Variants in HPSE2 observed in about 807,000 individuals in gnomAD.
The protein encoded by HPSE2 is inactive heparanase-2.
Under a neutral mutation model 60.5 loss-of-function variants are expected in HPSE2, and 38 were observed. That is an observed-to-expected ratio of 0.63 (90% confidence interval 0.48 to 0.82). HPSE2 has a LOEUF of 0.82. Ranked by LOEUF, HPSE2 falls within the 40% of genes least tolerant of loss-of-function variation. HPSE2 has a pLI of 0.00. For missense variants in HPSE2, 713 were observed against 740.4 expected, an observed-to-expected ratio of 0.96 and a Z score of 0.43; for synonymous variants, 295 against 293.2, an observed-to-expected ratio of 1.01 and a Z score of -0.06.
chr10:98,998,251 T>C (rs1189679079), intron 3 of HPSE2, among the ~76,000 whole-genome samples: 1 of 152,246 alleles, frequency 6.6e-6, no homozygotes, highest in Non-Finnish European at 1.5e-5. Context: ...AAATACATTA[T>C]CATGAAAATA....
intron 1 of HPSE2, among the ~76,000 whole-genome samples, chr10:99,234,906 G>C (rs990250747): frequency 6.6e-6 from 1 of 152,088 alleles, no homozygotes. Context: ...ACAAAGTCCT[G>C]AAGTCTGGAA....
chr10:98,765,907 T>TA (rs1238783983), intron 3 of HPSE2, among the ~76,000 whole-genome samples: 4 of 151,436 alleles, frequency 2.6e-5, no homozygotes, highest in African/African-American at 9.7e-5. Context: ...TAAGAAGCTA[T>TA]AAAAAGAAAA....
At chr10:98,911,253 G>A (rs545288498) in intron 3 of HPSE2, among the ~76,000 whole-genome samples, 2 of 152,304 alleles carry the variant, frequency 1.3e-5, no homozygotes, top group East Asian at 1.9e-4. Context: ...CAGATTGTTT[G>A]TTAGGAGCTG....
chr10:99,262,176 C>T, the HPSE2 span, among the ~76,000 whole-genome samples: 6 of 152,320 alleles, frequency 3.9e-5, no homozygotes, highest in Admixed American at 1.3e-4. Flanking sequence ...AGGCTACCCA[C>T]TCCACATTAC....
intron 7 of HPSE2, among the ~76,000 whole-genome samples, chr10:98,636,451 G>C (rs562824): frequency 0.17 from 25,893 of 151,984 alleles, 2,352 homozygotes; most frequent in Admixed American, 0.23. Context: ...TGTTGGCCAG[G>C]CTGGTCTCAA....
At chr10:99,024,538 T>C (rs1331757007) in intron 3 of HPSE2, among the ~76,000 whole-genome samples, 3 of 151,978 alleles carry the variant, frequency 2.0e-5, no homozygotes, top group Non-Finnish European at 4.4e-5. Context: ...TTCCCAAGCC[T>C]AGAAAAAGAT....
intron 3 of HPSE2, among the ~76,000 whole-genome samples, chr10:99,006,461 G>A (rs150775602): frequency 1.5e-3 from 227 of 152,280 alleles, no homozygotes; most frequent in African/African-American, 5.1e-3. Flanking sequence ...CCTGGTGCTA[G>A]AGTGAGATTA....
chr10:98,734,024 C>T (rs1445573532), intron 4 of HPSE2, among the ~76,000 whole-genome samples: 1 of 152,192 alleles, frequency 6.6e-6, no homozygotes, highest in Non-Finnish European at 1.5e-5. Context: ...TCATGGGCTC[C>T]CCAGCCCTAA....
At chr10:99,054,357 T>C (rs992419093) in intron 3 of HPSE2, among the ~76,000 whole-genome samples, 1 of 152,174 alleles carries the variant, frequency 6.6e-6, no homozygotes, top group Non-Finnish European at 1.5e-5. Context: ...TTAATAACTT[T>C]AATAACACTG....
At chr10:98,776,578 C>T (rs143751502) in intron 3 of HPSE2, among the ~76,000 whole-genome samples, 3 of 152,160 alleles carry the variant, frequency 2.0e-5, no homozygotes, top group Admixed American at 6.5e-5. Context: ...GATTTAGGTG[C>T]ATTTTATAAG....
chr10:98,459,562 T>C lies in HPSE2; in HGVS notation c.*12A>G. 6.2e-7 allele frequency: 1 copy of C among 1,613,674 alleles called. No individual in the cohort carries two copies. The highest frequency in any genetic ancestry group is 8.5e-7 in the Non-Finnish European group (1 of 1,179,850). On this transcript the variant is annotated 3_prime_UTR_variant, in exon 12 of 12. Coordinates refer to ENST00000370552, the MANE Select transcript of HPSE2 (RefSeq NM_021828.5). ...CAGCAGGCCCACTGGTAGCCGTGAGTGTGAGGATAGCTTATCGGTAGCGGC... is the reference window on the plus strand; with the variant it reads ...CAGCAGGCCCACTGGTAGCCGTGAGCGTGAGGATAGCTTATCGGTAGCGGC...
chr10:98,856,211 A>C (rs1311025692), intron 3 of HPSE2, among the ~76,000 whole-genome samples: 1 of 152,196 alleles, frequency 6.6e-6, no homozygotes. Context: ...ACAAAGAAGC[A>C]AGAAAAACAA....
At chr10:99,227,809 A>C (rs988589821) in intron 2 of HPSE2, among the ~76,000 whole-genome samples, 1 of 149,106 alleles carries the variant, frequency 6.7e-6, no homozygotes, top group African/African-American at 2.5e-5. Context: ...AAATATATAT[A>C]TATATGTATA....
At chr10:99,220,600 C>A (rs185388641) in intron 2 of HPSE2, among the ~76,000 whole-genome samples, 1 of 151,900 alleles carries the variant, frequency 6.6e-6, no homozygotes, top group East Asian at 2.0e-4. Flanking sequence ...CTCAAGAGAT[C>A]GAGACCATCC....
chr10:99,313,853 A>G, the HPSE2 span, among the ~76,000 whole-genome samples: 129,927 of 151,458 alleles, frequency 0.86, 56,093 homozygotes, highest in African/African-American at 0.93. Context: ...GCCGGCCTCG[A>G]CCTCCCAAAG....
At chr10:98,578,248 T>C (rs951992674) in intron 9 of HPSE2, among the ~76,000 whole-genome samples, 1 of 152,304 alleles carries the variant, frequency 6.6e-6, no homozygotes, top group Admixed American at 6.5e-5. Flanking sequence ...TGATGAGATC[T>C]CCTCTCTAAA....
intron 4 of HPSE2, among the ~76,000 whole-genome samples, chr10:98,727,408 T>C (rs887710467): frequency 1.8e-4 from 28 of 152,294 alleles, no homozygotes; most frequent in African/African-American, 6.7e-4. Flanking sequence ...CCCAGCACTT[T>C]GGGAGGCCAA....
intron 3 of HPSE2, among the ~76,000 whole-genome samples, chr10:98,848,617 A>G (rs1952090177): frequency 2.0e-5 from 3 of 152,124 alleles, no homozygotes; most frequent in Admixed American, 1.3e-4. Flanking sequence ...AGAAACATGT[A>G]CTATTCCTTA....
chr10:98,698,700 G>A (rs1948307338), intron 5 of HPSE2, among the ~76,000 whole-genome samples: 1 of 152,116 alleles, frequency 6.6e-6, no homozygotes, highest in Non-Finnish European at 1.5e-5. Context: ...ATGAATCCAG[G>A]AGCTGGTTTT....
Sources: gnomAD v4.1 joint callset for allele counts (sites outside exome capture counted in the v4.1 genomes callset) on GRCh38, gnomAD v4.1.1 for gene constraint, MANE v1.5 for transcripts, NCBI Gene and HGNC (gene_info 2026-07-23, HGNC 2026-07-21) for gene names.